Variants in C8orf34 observed in about 807,000 individuals in gnomAD.
C8orf34 encodes the protein uncharacterized protein C8orf34.
Under a neutral mutation model 68.3 loss-of-function variants are expected in C8orf34, and 65 were observed. That is an observed-to-expected ratio of 0.95 (90% CI 0.78 to 1.17). C8orf34 has a LOEUF of 1.17. C8orf34 is among the 50% of genes most tolerant of loss of function. The pLI, the probability that C8orf34 is intolerant of heterozygous loss-of-function variation, is 0.00. For missense variants in C8orf34, 664 were observed against 655.4 expected (o/e 1.01, Z -0.14); for synonymous variants, 244 against 241.2 (o/e 1.01, Z -0.11).
intron 7 of C8orf34, among the ~76,000 whole-genome samples, chr8:68,565,121 A>G (rs1168049005): frequency 1.3e-5 from 2 of 152,066 alleles, no homozygotes; most frequent in African/African-American, 4.8e-5. Flanking sequence ...GAGTTTTCAG[A>G]CACCTTTTTC....
chr8:68,424,821 A>G (rs1323690763), intron 1 of C8orf34, among the ~76,000 whole-genome samples: 1 of 151,962 alleles, frequency 6.6e-6, no homozygotes, highest in African/African-American at 2.4e-5. Context: ...AATGGTGTGA[A>G]CCTGGGAGGC....
intron 7 of C8orf34, among the ~76,000 whole-genome samples, chr8:68,638,248 T>A (rs937408110): frequency 6.6e-6 from 1 of 152,060 alleles, no homozygotes; most frequent in African/African-American, 2.4e-5. Flanking sequence ...TAATTAGTAT[T>A]CATTTGAAGC....
intron 10 of C8orf34, among the ~76,000 whole-genome samples, chr8:68,764,847 C>A (rs1189849988): frequency 6.6e-6 from 1 of 152,186 alleles, no homozygotes; most frequent in Admixed American, 6.5e-5. Flanking sequence ...ATTAATCAAT[C>A]TTCCATTCAT....
chr8:68,791,564 A>G (rs1406294918), intron 12 of C8orf34: 1 of 152,230 alleles, frequency 6.6e-6, no homozygotes, highest in Non-Finnish European at 1.5e-5. Flanking sequence ...ACAAATAAAT[A>G]AGCTAAAAAC....
chr8:68,522,109 A>G (rs1013292315), intron 6 of C8orf34, 138 bp downstream of exon 6: 4 of 635,646 alleles, frequency 6.3e-6, no homozygotes, highest in Non-Finnish European at 7.4e-6. Flanking sequence ...TACATAGGAT[A>G]AAAACATCAA....
intron 5 of C8orf34, among the ~76,000 whole-genome samples, chr8:68,505,598 G>A (rs1315869840): frequency 1.5e-5 from 2 of 133,504 alleles, no homozygotes; most frequent in Admixed American, 7.0e-5. Flanking sequence ...GGGCGCGGTG[G>A]CGGGCGCCTG....
At chr8:68,488,627 A>T (rs1813178719) in intron 5 of C8orf34, among the ~76,000 whole-genome samples, 1 of 152,172 alleles carries the variant, frequency 6.6e-6, no homozygotes, top group South Asian at 2.1e-4. Context: ...ATGGATTGCT[A>T]GGTTTGGGAG....
intron 1 of C8orf34, among the ~76,000 whole-genome samples, chr8:68,401,997 T>C (rs1217404118): frequency 6.6e-6 from 1 of 151,992 alleles, no homozygotes; most frequent in East Asian, 1.9e-4. Context: ...GTATTAGCTA[T>C]TTGTAGGTTT....
intron 7 of C8orf34, among the ~76,000 whole-genome samples, chr8:68,622,927 G>T (rs112753609): frequency 1.0e-3 from 152 of 152,322 alleles, no homozygotes; most frequent in African/African-American, 3.6e-3. Context: ...TATCATTTGT[G>T]ATGGGGTATC....
intron 7 of C8orf34, among the ~76,000 whole-genome samples, chr8:68,605,518 T>A (rs1586439071): frequency 2.3e-5 from 2 of 85,682 alleles, no homozygotes; most frequent in Admixed American, 2.1e-4. Flanking sequence ...AAACTGAGTA[T>A]TTTTTAGCAC....
At chr8:68,761,505 T>G (rs1823023597) in intron 10 of C8orf34, among the ~76,000 whole-genome samples, 1 of 152,250 alleles carries the variant, frequency 6.6e-6, no homozygotes, top group Admixed American at 6.5e-5. Flanking sequence ...AAAAACCGTC[T>G]AATTTCCTTT....
chr8:68,611,381 C>T (rs188646944), intron 7 of C8orf34, among the ~76,000 whole-genome samples: 2 of 152,134 alleles, frequency 1.3e-5, no homozygotes, highest in African/African-American at 4.8e-5. Context: ...AAAGGGAAAT[C>T]AGAGAAATCC....
intron 7 of C8orf34, among the ~76,000 whole-genome samples, chr8:68,608,581 G>A (rs1293994022): frequency 6.6e-6 from 1 of 151,392 alleles, no homozygotes; most frequent in Admixed American, 6.6e-5. Context: ...ATCATAGGCC[G>A]AAGCAGGGAA....
intron 10 of C8orf34, among the ~76,000 whole-genome samples, chr8:68,725,727 G>C (rs1821809705): frequency 6.6e-6 from 1 of 152,054 alleles, no homozygotes; most frequent in African/African-American, 2.4e-5. Context: ...AGACAGGGCA[G>C]GACAAAAACT....
chr8:68,619,751 T>A (rs192548661), intron 7 of C8orf34, among the ~76,000 whole-genome samples: 4 of 152,236 alleles, frequency 2.6e-5, no homozygotes, highest in Admixed American at 2.6e-4. Flanking sequence ...TCCCTTTGTA[T>A]CTCTAATGCA....
intron 8 of C8orf34, among the ~76,000 whole-genome samples, chr8:68,654,501 C>T (rs945680691): frequency 1.3e-5 from 2 of 152,054 alleles, no homozygotes; most frequent in Non-Finnish European, 2.9e-5. Context: ...TGTATTGATT[C>T]ATTTGTATCT....
At chr8:68,456,520 A>C (rs1441077499) in intron 3 of C8orf34, among the ~76,000 whole-genome samples, 1 of 152,224 alleles carries the variant, frequency 6.6e-6, no homozygotes, top group Non-Finnish European at 1.5e-5. Context: ...GTAAAGATGG[A>C]TTTTTACTAA....
At chr8:68,586,297 A>G (rs986104093) in intron 7 of C8orf34, among the ~76,000 whole-genome samples, 3 of 152,140 alleles carry the variant, frequency 2.0e-5, no homozygotes, top group African/African-American at 7.2e-5. Context: ...TTATTGTTCT[A>G]TGTGATTTCG....
intron 7 of C8orf34, among the ~76,000 whole-genome samples, chr8:68,617,111 T>C (rs1169988372): frequency 5.9e-5 from 9 of 152,066 alleles, no homozygotes; most frequent in African/African-American, 1.4e-4. Context: ...GGATTGCAAC[T>C]CCTGCCTTTT....
Sources: allele counts gnomAD v4.1 joint callset (sites outside exome capture counted in the v4.1 genomes callset), GRCh38; gene constraint gnomAD v4.1.1; transcripts MANE v1.5; gene names NCBI Gene and HGNC (gene_info 2026-07-23, HGNC 2026-07-21).